CTBP2: variants seen among roughly 807,000 people sequenced by gnomAD.
The protein encoded by CTBP2 is C-terminal-binding protein 2.
Under a neutral mutation model 80.3 loss-of-function variants are expected in CTBP2, and 30 were observed. The observed-to-expected ratio is 0.37, with a 90% CI of 0.28 to 0.51. The LOEUF (loss-of-function observed/expected upper bound fraction) is 0.51, where lower values mean the gene tolerates loss of function less well. CTBP2 is among the 20% of genes least tolerant of loss of function. The probability of loss-of-function intolerance (pLI) is 0.93; values close to 1 mark genes in which losing one functional copy is unlikely to be tolerated. For synonymous variants in CTBP2, 594 were observed against 587.4 expected, an observed-to-expected ratio of 1.01 and a Z score of -0.16; for missense variants, 1,212 against 1,375.3, an observed-to-expected ratio of 0.88 and a Z score of 1.88.
chr10:125,056,139 T>C (rs1301450308), intron 2 of CTBP2, among the ~76,000 whole-genome samples: 1 of 151,224 alleles, frequency 6.6e-6, no homozygotes, highest in African/African-American at 2.5e-5. Context: ...CACTCCAGCC[T>C]GGGCAATACA....
chr10:125,036,257 T>G (rs568817116), intron 3 of CTBP2, among the ~76,000 whole-genome samples: 1 of 152,154 alleles, frequency 6.6e-6, no homozygotes, highest in Non-Finnish European at 1.5e-5. Context: ...CAAGTATCTG[T>G]GCAGGGGTGA....
chr10:125,056,349 GAAGGC>G (rs1246023954), intron 2 of CTBP2, among the ~76,000 whole-genome samples: 5 of 152,222 alleles, frequency 3.3e-5, no homozygotes, highest in Non-Finnish European at 5.9e-5. Flanking sequence ...TTTGCACAGT[GAAGGC>G]GTGCACGCCA....
At chr10:125,002,326 C>G (rs1195884469) in intron 3 of CTBP2, among the ~76,000 whole-genome samples, 2 of 152,180 alleles carry the variant, frequency 1.3e-5, no homozygotes, top group Admixed American at 1.3e-4. Flanking sequence ...GGGCAGAGGC[C>G]CCCCTCAACA....
intron 2 of CTBP2, among the ~76,000 whole-genome samples, chr10:125,092,319 T>C (rs1199159622): frequency 1.3e-5 from 2 of 151,864 alleles, no homozygotes; most frequent in Non-Finnish European, 2.9e-5. Context: ...GCCTCCCTAG[T>C]AGCTGGGACT....
chr10:125,081,926 G>A (rs77196141), intron 2 of CTBP2, among the ~76,000 whole-genome samples: 3,291 of 151,842 alleles, frequency 0.022, 54 homozygotes, highest in Non-Finnish European at 0.034. Context: ...AGTGGCCACC[G>A]AGAACCCACC....
intron 3 of CTBP2, among the ~76,000 whole-genome samples, chr10:125,035,495 A>T (rs1958759940): frequency 6.6e-6 from 1 of 152,258 alleles, no homozygotes; most frequent in South Asian, 2.1e-4. Context: ...GTAAAACGAA[A>T]CACATACTTT....
upstream of CTBP2, among the ~76,000 whole-genome samples, chr10:125,029,245 GT>G (rs34949118): frequency 2.3e-4 from 32 of 137,790 alleles, no homozygotes; most frequent in Admixed American, 4.4e-4. Context: ...TTGAGACACA[GT>G]TTTTTTTTTT....
chr10:125,102,852 G>A (rs190930348), intron 2 of CTBP2, among the ~76,000 whole-genome samples: 17 of 152,364 alleles, frequency 1.1e-4, no homozygotes, highest in African/African-American at 4.1e-4. Flanking sequence ...TACAGGACTT[G>A]CAGAGCCAGT....
intron 1 of CTBP2, among the ~76,000 whole-genome samples, chr10:125,142,696 G>C (rs1222176058): frequency 6.6e-6 from 1 of 152,214 alleles, no homozygotes; most frequent in Non-Finnish European, 1.5e-5. Flanking sequence ...GCTTTATGCA[G>C]TGAACTGTGA....
chr10:125,139,563 T>A (rs772575427), intron 1 of CTBP2, among the ~76,000 whole-genome samples: 10 of 152,030 alleles, frequency 6.6e-5, no homozygotes, highest in Non-Finnish European at 1.0e-4. Context: ...TTAGCCCCTG[T>A]TTTTTGGACT....
At chr10:125,138,231 G>GT (rs956102319) in intron 1 of CTBP2, 1 of 152,128 alleles carries the variant, frequency 6.6e-6, no homozygotes, top group Non-Finnish European at 1.5e-5. Flanking sequence ...TATAATCTCA[G>GT]TGTCGCCGGA....
At chr10:125,012,288 G>A (rs1956019263) in intron 1 of CTBP2, among the ~76,000 whole-genome samples, 1 of 152,178 alleles carries the variant, frequency 6.6e-6, no homozygotes, top group South Asian at 2.1e-4. Flanking sequence ...CAAGGAATAA[G>A]GATTGTGGCT....
chr10:124,993,546 A>G (rs1260036507), intron 6 of CTBP2, among the ~76,000 whole-genome samples: 1 of 152,188 alleles, frequency 6.6e-6, no homozygotes, highest in Non-Finnish European at 1.5e-5. Flanking sequence ...AAAAAGCCCA[A>G]TTCTATTGAA....
intron 3 of CTBP2, 67 bp from the exon 6 acceptor site, chr10:124,998,237 C>T: frequency 6.6e-7 from 1 of 1,515,364 alleles, no homozygotes; most frequent in Non-Finnish European, 8.9e-7. Context: ...CCCCAGGGCT[C>T]CCAGCCCGCC....
intron 1 of CTBP2, among the ~76,000 whole-genome samples, chr10:125,154,296 G>C (rs889901294): frequency 6.6e-6 from 1 of 152,120 alleles, no homozygotes; most frequent in Non-Finnish European, 1.5e-5. Flanking sequence ...ACTCACAGAA[G>C]GCAACAAAAC....
intron 3 of CTBP2, chr10:125,000,973 C>A (rs1029722481): frequency 2.0e-5 from 3 of 152,266 alleles, no homozygotes; most frequent in Non-Finnish European, 2.9e-5. Flanking sequence ...TCAGATGGGA[C>A]CAGGATCAAT....
chr10:125,060,741 TA>T (rs1205339690), intron 2 of CTBP2, among the ~76,000 whole-genome samples: 1 of 151,990 alleles, frequency 6.6e-6, no homozygotes, highest in Admixed American at 6.6e-5. Context: ...TGCAGATGGA[TA>T]AAGAAGTTTC....
chr10:125,055,878 G>A (rs964706836), intron 2 of CTBP2, among the ~76,000 whole-genome samples: 18 of 152,168 alleles, frequency 1.2e-4, no homozygotes, highest in African/African-American at 4.3e-4. Flanking sequence ...TTTAAAAGCA[G>A]CTAACTGGCC....
rs375586096 is a variant in CTBP2 at position 125,026,222 on chromosome 10, C to G, written c.1538G>C (p.Arg513Pro). ...TGGCCCCAGGGGTGCACCTGGCTTC[C>G]GCAAGACCTGGGGGCTGCCGTGAGG... The change falls in exon 1 of 9, where the codon CGG (arginine) becomes CCG (proline). Residue 513 changes from arginine to proline, a missense_variant. This residue lies in a region of CTBP2 where 848 missense variants were observed against 782.3 expected (regional missense o/e 1.08). Coordinates refer to ENST00000309035, the MANE Select transcript of CTBP2 (RefSeq NM_022802.3). 6.2e-6 allele frequency: 10 copies of G among 1,613,614 alleles called. No homozygotes were observed. The highest frequency in any genetic ancestry group is 8.5e-6 in the Non-Finnish European group (10 of 1,179,894).
Sources: gnomAD v4.1 joint callset for allele counts (sites outside exome capture counted in the v4.1 genomes callset) on GRCh38, gnomAD v4.1.1 for gene constraint, gnomAD v4.1.1 regional missense constraint, MANE v1.5 for transcripts, NCBI Gene and HGNC (gene_info 2026-07-23, HGNC 2026-07-21) for gene names.